PCDH7: variants seen among roughly 807,000 people sequenced by gnomAD.
PCDH7 encodes protocadherin 7, also known as protocadherin-7.
Under a neutral mutation model 58.9 loss-of-function variants are expected in PCDH7, and 17 were observed. The ratio of observed to expected loss-of-function variants is 0.29; its 90% CI spans 0.20 to 0.43. The LOEUF (loss-of-function observed/expected upper bound fraction) is 0.43. PCDH7 is among the 20% of genes least tolerant of loss of function. The pLI is 1.00. For synonymous variants in PCDH7, 664 were observed against 616.4 expected, an observed-to-expected ratio of 1.08 and a Z score of -1.14; for missense variants, 1,274 against 1,441.0, an observed-to-expected ratio of 0.88 and a Z score of 1.88.
chr4:31,007,136 C>T (rs1443350422), intron 3 of PCDH7, among the ~76,000 whole-genome samples: 1 of 152,120 alleles, frequency 6.6e-6, no homozygotes, highest in East Asian at 1.9e-4. Flanking sequence ...ATGGTTTGGA[C>T]AAAATGACTC....
At chr4:30,926,884 G>A (rs542673224) in intron 2 of PCDH7, among the ~76,000 whole-genome samples, 5 of 152,240 alleles carry the variant, frequency 3.3e-5, no homozygotes, top group Non-Finnish European at 5.9e-5. Flanking sequence ...CATTAACAGG[G>A]AAAATTAGCT....
At chr4:31,031,184 C>T (rs1290304284) in intron 3 of PCDH7, among the ~76,000 whole-genome samples, 2 of 152,134 alleles carry the variant, frequency 1.3e-5, no homozygotes, top group African/African-American at 2.4e-5. Context: ...AGTGATTAAA[C>T]AGTGATTCTC....
intron 1 of PCDH7, among the ~76,000 whole-genome samples, chr4:30,890,632 T>G (rs1405295625): frequency 6.6e-6 from 1 of 152,036 alleles, no homozygotes. Flanking sequence ...ACAGTTCAGA[T>G]CACTAGTTTG....
At chr4:31,008,875 C>CT (rs932896875) in intron 3 of PCDH7, among the ~76,000 whole-genome samples, 3 of 151,866 alleles carry the variant, frequency 2.0e-5, no homozygotes, top group Non-Finnish European at 4.4e-5. Context: ...AACTTCAGTT[C>CT]TTTTTTTTCC....
At chr4:30,741,539 A>G (rs1032175) in intron 1 of PCDH7, among the ~76,000 whole-genome samples, 59,650 of 151,994 alleles carry the variant, frequency 0.39, 14,361 homozygotes, top group Middle Eastern at 0.53. Flanking sequence ...TTTTCCTAGG[A>G]ATGGAAATAA....
At chr4:31,097,619 T>C (rs930894787) in intron 3 of PCDH7, among the ~76,000 whole-genome samples, 1 of 38,380 alleles carries the variant, frequency 2.6e-5, no homozygotes, top group South Asian at 1.7e-3. Flanking sequence ...TATATATATA[T>C]ATATATATAT....
At chr4:30,788,027 G>C (rs75193374) in intron 1 of PCDH7, among the ~76,000 whole-genome samples, 3,554 of 152,110 alleles carry the variant, frequency 0.023, 210 homozygotes, top group East Asian at 0.22. Context: ...AATAATGAGA[G>C]TAGGCTCATG....
intron 1 of PCDH7, among the ~76,000 whole-genome samples, chr4:30,837,976 G>T (rs1197390288): frequency 6.7e-6 from 1 of 149,996 alleles, no homozygotes; most frequent in African/African-American, 2.4e-5. Context: ...TTCCAATTTG[G>T]CATTAGCAAT....
intron 3 of PCDH7, among the ~76,000 whole-genome samples, chr4:31,008,088 A>T (rs945489171): frequency 6.6e-6 from 1 of 152,154 alleles, no homozygotes; most frequent in South Asian, 2.1e-4. Context: ...GAGATGGCAG[A>T]TGATGAGATA....
rs140944331 is a variant in PCDH7 at position 30,997,704 on chromosome 4, A to T, written c.*7+47489A>T. ...CAATGTTGAACTCTTTCTTTAGTAC[A>T]GTTTGGCATTAGCATAGCGTGTTGG... On this transcript the variant is annotated intron_variant, in intron 3 of 3. Transcript: ENST00000509759. Among the ~76,000 whole-genome samples, 96 of 152,286 alleles carry T rather than the reference A, an allele frequency of 6.3e-4. 1 individual carries two copies. The highest frequency in any genetic ancestry group is 2.0e-3 in the Admixed American group (30 of 15,284).
chr4:31,020,676 A>G (rs975893472), intron 3 of PCDH7, among the ~76,000 whole-genome samples: 1 of 152,254 alleles, frequency 6.6e-6, no homozygotes, highest in African/African-American at 2.4e-5. Flanking sequence ...TTTGTCTTCT[A>G]TAAAGTGGCA....
chr4:31,086,184 A>G (rs978773475), intron 3 of PCDH7, among the ~76,000 whole-genome samples: 1 of 152,182 alleles, frequency 6.6e-6, no homozygotes, highest in Non-Finnish European at 1.5e-5. Flanking sequence ...CTTTATGTGA[A>G]GCCTATACTG....
At chr4:30,774,174 A>G (rs1186174349) in intron 1 of PCDH7, among the ~76,000 whole-genome samples, 1 of 152,100 alleles carries the variant, frequency 6.6e-6, no homozygotes, top group Non-Finnish European at 1.5e-5. Context: ...GTCTCCACCC[A>G]TACCCAGGAG....
chr4:30,929,425 A>T (rs1234782182), intron 2 of PCDH7, among the ~76,000 whole-genome samples: 1 of 152,152 alleles, frequency 6.6e-6, no homozygotes, highest in Non-Finnish European at 1.5e-5. Context: ...ATTAAGTCTC[A>T]TTATCATGTA....
chr4:31,138,329 G>T (rs1427129680), intron 3 of PCDH7, among the ~76,000 whole-genome samples: 1 of 152,058 alleles, frequency 6.6e-6, no homozygotes, highest in East Asian at 1.9e-4. Flanking sequence ...GTTTTAGGGA[G>T]GTTGTTTCAT....
chr4:31,054,773 G>A (rs1757015360), intron 3 of PCDH7, among the ~76,000 whole-genome samples: 1 of 152,128 alleles, frequency 6.6e-6, no homozygotes, highest in South Asian at 2.1e-4. Context: ...GGTCTAGTAT[G>A]ACCTCAGTTC....
chr4:30,757,473 A>G (rs1399782487), intron 1 of PCDH7, among the ~76,000 whole-genome samples: 2 of 152,190 alleles, frequency 1.3e-5, no homozygotes, highest in Admixed American at 6.5e-5. Flanking sequence ...CTGCTCAGGT[A>G]TGCTAGCCAT....
rs561604056 is a variant in PCDH7 at position 30,897,226 on chromosome 4, C to A, written c.71-22927C>A. On this transcript the variant is annotated intron_variant, in intron 1 of 3. Coordinates refer to the PCDH7 transcript ENST00000509759. ...GCCTCCCAGTTCTTTGTTTACAACA[C>A]TAAATTGCTTCACAAACTCCTTTGT... 4.5e-4 allele frequency among the ~76,000 whole-genome samples: 68 copies of A among 152,158 alleles called. No homozygotes were observed. In the South Asian group the frequency reaches 8.9e-3, roughly 20 times the overall value.
intron 1 of PCDH7, among the ~76,000 whole-genome samples, chr4:30,842,413 T>C (rs1426082261): frequency 2.0e-5 from 3 of 152,184 alleles, no homozygotes; most frequent in African/African-American, 7.2e-5. Context: ...GAAGCACTTT[T>C]CACATTTGAA....
Sources: gnomAD v4.1 joint callset for allele counts (sites outside exome capture counted in the v4.1 genomes callset) on GRCh38, gnomAD v4.1.1 for gene constraint, MANE v1.5 for transcripts, NCBI Gene and HGNC (gene_info 2026-07-23, HGNC 2026-07-21) for gene names.